GMDS: variants seen among roughly 807,000 people sequenced by gnomAD.
The protein encoded by GMDS is GDP-mannose 4,6-dehydratase, also known as GDP-mannose 4,6 dehydratase.
In GMDS, 20 loss-of-function variants were observed where a neutral mutation model predicts 49.9. That is an observed-to-expected ratio of 0.40 (90% CI 0.28 to 0.58). GMDS has a LOEUF of 0.58. Ranked by LOEUF, GMDS falls within the 20% of genes least tolerant of loss-of-function variation. GMDS has a pLI of 0.42. For missense variants in GMDS, 362 were observed against 481.4 expected (o/e 0.75, Z 2.32); for synonymous variants, 177 against 178.6 (o/e 0.99, Z 0.07).
chr6:2,195,705 G>A (rs1318243485), intron 1 of GMDS, among the ~76,000 whole-genome samples: 1 of 151,736 alleles, frequency 6.6e-6, no homozygotes, highest in Non-Finnish European at 1.5e-5. Flanking sequence ...AACAAGGTTG[G>A]GTATGGCAGC....
At chr6:2,086,915 C>G (rs1412901601) in intron 4 of GMDS, among the ~76,000 whole-genome samples, 1 of 152,142 alleles carries the variant, frequency 6.6e-6, no homozygotes, top group East Asian at 1.9e-4. Context: ...TTGTCTGTGT[C>G]CTCCATAGAC....
chr6:1,965,809 G>A (rs1764229132), intron 4 of GMDS, among the ~76,000 whole-genome samples: 1 of 152,010 alleles, frequency 6.6e-6, no homozygotes, highest in Admixed American at 6.6e-5. Flanking sequence ...CTCCAGCCTG[G>A]GCAACAGAGC....
intron 7 of GMDS, among the ~76,000 whole-genome samples, chr6:1,896,964 C>T (rs559396507): frequency 1.3e-5 from 2 of 152,268 alleles, no homozygotes; most frequent in South Asian, 4.1e-4. Flanking sequence ...GGGCAGGACT[C>T]TAGGCTGATT....
chr6:1,752,409 A>G (rs1417102081), intron 7 of GMDS, among the ~76,000 whole-genome samples: 1 of 152,248 alleles, frequency 6.6e-6, no homozygotes, highest in East Asian at 1.9e-4. Flanking sequence ...CCTACCTTTG[A>G]TTGGTGTACC....
At chr6:2,036,197 G>A (rs897382248) in intron 4 of GMDS, among the ~76,000 whole-genome samples, 2 of 152,118 alleles carry the variant, frequency 1.3e-5, no homozygotes, top group Non-Finnish European at 2.9e-5. Context: ...GAAGGAAATC[G>A]GGAGACTTAA....
chr6:1,874,129 G>A (rs1038680621), intron 7 of GMDS, among the ~76,000 whole-genome samples: 6 of 152,200 alleles, frequency 3.9e-5, no homozygotes, highest in Non-Finnish European at 7.3e-5. Flanking sequence ...CTTGGCCTCC[G>A]GTGCTAGGAG....
At chr6:1,845,129 T>C (rs778194730) in intron 7 of GMDS, among the ~76,000 whole-genome samples, 7 of 152,230 alleles carry the variant, frequency 4.6e-5, no homozygotes, top group Admixed American at 6.5e-5. Context: ...CAAGACAAAT[T>C]GTTTTCATAT....
intron 9 of GMDS, among the ~76,000 whole-genome samples, chr6:1,716,206 C>G (rs988923467): frequency 1.3e-5 from 2 of 152,240 alleles, no homozygotes; most frequent in African/African-American, 4.8e-5. Context: ...TAAGGATCCA[C>G]GTTTATGCTA....
chr6:1,639,590 G>A (rs1191951936), intron 9 of GMDS, among the ~76,000 whole-genome samples: 1 of 152,234 alleles, frequency 6.6e-6, no homozygotes, highest in Non-Finnish European at 1.5e-5. Context: ...GAGCTTTGGA[G>A]TCAGATCCAA....
Position 2,221,104 on chromosome 6 carries a change from T to G in GMDS, c.102+24217A>C, listed in dbSNP as rs535257824. Among the ~76,000 whole-genome samples, 5 of 152,230 alleles carry G rather than the reference T, an allele frequency of 3.3e-5. No homozygotes were observed. The South Asian group carries it at 1.0e-3, about 32-fold the overall frequency. ...TCCTCAGGAGACTGAGGTGGGAGGATTGCTTGAATCTAAGAGTTTGAGGTT... is the reference window on the plus strand; with the variant it reads ...TCCTCAGGAGACTGAGGTGGGAGGAGTGCTTGAATCTAAGAGTTTGAGGTT... On this transcript the variant is annotated intron_variant, in intron 1 of 10. Coordinates refer to ENST00000380815, the MANE Select transcript of GMDS (RefSeq NM_001500.4).
chr6:1,671,892 C>T (rs1764444612), intron 9 of GMDS, among the ~76,000 whole-genome samples: 1 of 152,044 alleles, frequency 6.6e-6, no homozygotes, highest in Non-Finnish European at 1.5e-5. Context: ...CTTGATCTCC[C>T]AGCCTCATGA....
chr6:1,826,303 T>C (rs367765055), intron 7 of GMDS, among the ~76,000 whole-genome samples: 62 of 152,342 alleles, frequency 4.1e-4, no homozygotes, highest in African/African-American at 1.4e-3. Flanking sequence ...ACACTGTATA[T>C]GTGGTCTGCC....
intron 1 of GMDS, among the ~76,000 whole-genome samples, chr6:2,234,397 C>G (rs1236826369): frequency 6.6e-6 from 1 of 152,072 alleles, no homozygotes; most frequent in African/African-American, 2.4e-5. Flanking sequence ...CACCTGAGGC[C>G]GGGAGTTCGA....
chr6:1,942,681 CAG>C (rs1185060065), intron 6 of GMDS, among the ~76,000 whole-genome samples: 2 of 152,178 alleles, frequency 1.3e-5, no homozygotes, highest in Non-Finnish European at 1.5e-5. Flanking sequence ...AAAATGGAGA[CAG>C]AAGATAAAAA....
intron 7 of GMDS, among the ~76,000 whole-genome samples, chr6:1,917,319 G>A (rs1761456052): frequency 6.6e-6 from 1 of 152,220 alleles, no homozygotes. Flanking sequence ...GGAGTTGGCA[G>A]AGCAGGGCTG....
rs1469027588 is a variant in GMDS, at chr6:2,017,378, C to T, written c.346-56412G>A. Among the ~76,000 whole-genome samples the T allele has an allele frequency of 3.9e-5, 6 of 151,916 alleles. No homozygotes were observed. In the South Asian group the frequency reaches 6.2e-4, roughly 16 times the overall value. On this transcript the variant is annotated intron_variant, in intron 4 of 10. Transcript: ENST00000380815. ...GGCAGGAGTGCAGTGGCGCTATCTC[C>T]GCTCACTGCAACCTCCGCCTCCTGG...
At chr6:2,194,580 A>G (rs1779203244) in intron 1 of GMDS, among the ~76,000 whole-genome samples, 2 of 152,242 alleles carry the variant, frequency 1.3e-5, no homozygotes, top group African/African-American at 4.8e-5. Context: ...CTTTATCATT[A>G]TAACAAATTT....
At chr6:2,095,658 G>A (rs1234792743) in intron 4 of GMDS, among the ~76,000 whole-genome samples, 6 of 152,090 alleles carry the variant, frequency 3.9e-5, no homozygotes, top group South Asian at 2.1e-4. Context: ...CAAATGTGAT[G>A]TAGATTTCAT....
At chr6:2,123,668 C>A (rs1295154490) in intron 2 of GMDS, among the ~76,000 whole-genome samples, 1 of 152,200 alleles carries the variant, frequency 6.6e-6, no homozygotes, top group Non-Finnish European at 1.5e-5. Context: ...GCATTTCTTT[C>A]TCGATTATTA....
Sources: allele counts gnomAD v4.1 joint callset (sites outside exome capture counted in the v4.1 genomes callset), GRCh38; gene constraint gnomAD v4.1.1; transcripts MANE v1.5; gene names NCBI Gene and HGNC (gene_info 2026-07-23, HGNC 2026-07-21).